The following ADAMTSL1 variants were observed in gnomAD, a reference collection of about 807,000 sequenced individuals.
ADAMTSL1 encodes the protein ADAMTS like 1.
In ADAMTSL1, 126 loss-of-function variants were observed where a neutral mutation model predicts 201.8. The observed-to-expected ratio is 0.62, with a 90% CI of 0.54 to 0.72. The LOEUF is 0.72. Among genes scored for constraint, ADAMTSL1 ranks in the 30% least tolerant of loss-of-function variants. The pLI is 0.00. For missense variants in ADAMTSL1, 2,679 were observed against 2,277.8 expected (o/e 1.18, Z -3.59); for synonymous variants, 1,121 against 903.4 (o/e 1.24, Z -4.32).
chr9:18,347,074 C>T (rs183911109), intron 2 of ADAMTSL1, among the ~76,000 whole-genome samples: 2 of 152,144 alleles, frequency 1.3e-5, no homozygotes. Context: ...TTCCTCCAAG[C>T]TTTGCAGAGG....
intron 1 of ADAMTSL1, among the ~76,000 whole-genome samples, chr9:17,942,824 C>A (rs140225741): frequency 0.013 from 2,035 of 152,242 alleles, 45 homozygotes; most frequent in African/African-American, 0.047. Flanking sequence ...TATAGGATTT[C>A]TTTTTACCAA....
At chr9:18,451,290 A>G (rs1820395678) in intron 2 of ADAMTSL1, among the ~76,000 whole-genome samples, 1 of 152,216 alleles carries the variant, frequency 6.6e-6, no homozygotes, top group Non-Finnish European at 1.5e-5. Context: ...ACCAATTTTT[A>G]TGGTAAGATC....
intron 4 of ADAMTSL1, among the ~76,000 whole-genome samples, chr9:18,575,778 T>A (rs1822676577): frequency 6.6e-6 from 1 of 152,188 alleles, no homozygotes; most frequent in Admixed American, 6.5e-5. Flanking sequence ...GTATGTTTGG[T>A]CATGCCAGAA....
At chr9:18,851,485 G>A (rs748027529) in intron 23 of ADAMTSL1, among the ~76,000 whole-genome samples, 8 of 152,150 alleles carry the variant, frequency 5.3e-5, no homozygotes, top group Non-Finnish European at 1.2e-4. Flanking sequence ...AAGGCAGAGT[G>A]AGAGACTGAG....
At chr9:18,742,999 A>T (rs903659068) in intron 15 of ADAMTSL1, among the ~76,000 whole-genome samples, 24 of 152,150 alleles carry the variant, frequency 1.6e-4, no homozygotes, top group Non-Finnish European at 8.8e-5. Flanking sequence ...TAACATATCA[A>T]ACTCCTTGGA....
chr9:18,260,678 T>C (rs866879012), intron 2 of ADAMTSL1, among the ~76,000 whole-genome samples: 3 of 152,350 alleles, frequency 2.0e-5, no homozygotes, highest in Non-Finnish European at 2.9e-5. Context: ...TCTGGAAGCC[T>C]GCACTTTCTC....
In ADAMTSL1 at chr9:18,728,170, A is replaced by C. The variant is rs186516315; in HGVS notation, c.2006+6505A>C. Among the ~76,000 whole-genome samples, 158 of 152,194 alleles carry C rather than the reference A, an allele frequency of 1.0e-3. No homozygotes were observed. In the Middle Eastern group the frequency reaches 0.02, roughly 20 times the overall value. ...CATGCATGTATTTAGTTGCTGCATG[A>C]GTTTGGGGTAAAAATCAAGGGGTTA... On this transcript the variant is annotated intron_variant, in intron 15 of 28. Transcript: ENST00000380548.
chr9:18,740,625 C>T (rs952300925), intron 15 of ADAMTSL1, among the ~76,000 whole-genome samples: 1 of 151,820 alleles, frequency 6.6e-6, no homozygotes, highest in Non-Finnish European at 1.5e-5. Context: ...TACAGGCACA[C>T]AACACCAAGC....
chr9:18,079,061 G>T (rs1355779540), intron 1 of ADAMTSL1, among the ~76,000 whole-genome samples: 1 of 152,154 alleles, frequency 6.6e-6, no homozygotes, highest in Non-Finnish European at 1.5e-5. Context: ...ACTGAACGCT[G>T]AGTGGCCCCA....
chr9:18,050,447 AATT>A (rs1442033607), intron 1 of ADAMTSL1, among the ~76,000 whole-genome samples: 4 of 152,198 alleles, frequency 2.6e-5, no homozygotes, highest in African/African-American at 9.6e-5. Context: ...AAAATAAAAA[AATT>A]ATTATCTAAA....
intron 2 of ADAMTSL1, among the ~76,000 whole-genome samples, chr9:18,200,563 G>A (rs1428049516): frequency 6.6e-6 from 1 of 151,842 alleles, no homozygotes; most frequent in Non-Finnish European, 1.5e-5. Flanking sequence ...TTGCAAACAT[G>A]GGTTATTATA....
intron 3 of ADAMTSL1, among the ~76,000 whole-genome samples, chr9:18,547,605 T>C (rs1161007310): frequency 6.9e-6 from 1 of 144,012 alleles, no homozygotes; most frequent in Admixed American, 7.1e-5. Flanking sequence ...GGAGGCTCTC[T>C]GTTGTGAAGA....
At chr9:18,235,743 G>A (rs1830823204) in intron 2 of ADAMTSL1, among the ~76,000 whole-genome samples, 1 of 152,114 alleles carries the variant, frequency 6.6e-6, no homozygotes, top group Non-Finnish European at 1.5e-5. Context: ...CAGGAGTGGT[G>A]CTGACCCCTC....
intron 23 of ADAMTSL1, among the ~76,000 whole-genome samples, chr9:18,858,642 G>A (rs924996180): frequency 3.3e-5 from 5 of 152,194 alleles, no homozygotes; most frequent in Middle Eastern, 3.2e-3. Flanking sequence ...TGTGCTCCAC[G>A]GTGCAGGAAG....
At chr9:18,552,861 CT>C (rs1820869586) in intron 3 of ADAMTSL1, among the ~76,000 whole-genome samples, 1 of 151,542 alleles carries the variant, frequency 6.6e-6, no homozygotes, top group African/African-American at 2.4e-5. Flanking sequence ...AGATCTGTCT[CT>C]TACATCTTTT....
At chr9:18,231,952 C>G (rs922479903) in intron 2 of ADAMTSL1, among the ~76,000 whole-genome samples, 5 of 152,204 alleles carry the variant, frequency 3.3e-5, no homozygotes, top group Non-Finnish European at 5.9e-5. Flanking sequence ...AGGCAATAGC[C>G]TTCCATGCTT....
At chr9:18,266,751 C>A (rs1177274691) in intron 2 of ADAMTSL1, among the ~76,000 whole-genome samples, 1 of 152,104 alleles carries the variant, frequency 6.6e-6, no homozygotes, top group Non-Finnish European at 1.5e-5. Context: ...GTAAACATGG[C>A]CAGCTTCTGA....
chr9:18,430,832 C>T (rs1443761358), intron 2 of ADAMTSL1, among the ~76,000 whole-genome samples: 1 of 152,174 alleles, frequency 6.6e-6, no homozygotes, highest in Non-Finnish European at 1.5e-5. Flanking sequence ...GCCCCTTGTA[C>T]CACTAACAGA....
chr9:18,896,820 A>C (rs1397331610), intron 26 of ADAMTSL1, among the ~76,000 whole-genome samples: 1 of 152,192 alleles, frequency 6.6e-6, no homozygotes, highest in Non-Finnish European at 1.5e-5. Flanking sequence ...GCTCAGGCTC[A>C]CACAGAGACC....
Sources: gnomAD v4.1 joint callset for allele counts (sites outside exome capture counted in the v4.1 genomes callset) on GRCh38, gnomAD v4.1.1 for gene constraint, MANE v1.5 for transcripts, NCBI Gene and HGNC (gene_info 2026-07-23, HGNC 2026-07-21) for gene names.